The following LHX8 variants were observed in gnomAD, a reference collection of about 807,000 sequenced individuals.
LHX8 encodes the protein LIM/homeobox protein Lhx8.
In LHX8, 12 loss-of-function variants were observed where a neutral mutation model predicts 40.3. The observed-to-expected ratio is 0.30, with a 90% CI of 0.19 to 0.48. The LOEUF is 0.48. LHX8 is among the 20% of genes least tolerant of loss of function. LHX8 has a pLI of 0.99. For synonymous variants in LHX8, 179 were observed against 162.0 expected (o/e 1.10, Z -0.80); for missense variants, 344 against 433.7 (o/e 0.79, Z 1.84).
chr1:75,152,968 C>T (rs1253383991), intron 7 of LHX8, among the ~76,000 whole-genome samples: 1 of 152,162 alleles, frequency 6.6e-6, no homozygotes, highest in African/African-American at 2.4e-5. Context: ...CTATATCTTA[C>T]TGATATTTAT....
the LHX8 span, among the ~76,000 whole-genome samples, chr1:75,179,906 A>C: frequency 6.6e-6 from 1 of 152,072 alleles, no homozygotes; most frequent in African/African-American, 2.4e-5. Flanking sequence ...ATCTCTCAGC[A>C]TTTGCTTGTC....
At chr1:75,178,308 T>A in the LHX8 span, among the ~76,000 whole-genome samples, 1 of 152,244 alleles carries the variant, frequency 6.6e-6, no homozygotes, top group East Asian at 1.9e-4. Context: ...GGTCCTGGAC[T>A]TTTTTTGTTG....
At chr1:75,166,967 A>G in the LHX8 span, among the ~76,000 whole-genome samples, 1 of 152,180 alleles carries the variant, frequency 6.6e-6, no homozygotes, top group Non-Finnish European at 1.5e-5. Context: ...AAGGTGTCGA[A>G]GTGGAGCTGA....
the LHX8 span, among the ~76,000 whole-genome samples, chr1:75,181,616 G>A: frequency 3.3e-5 from 5 of 152,146 alleles, no homozygotes; most frequent in Non-Finnish European, 7.3e-5. Flanking sequence ...GGCTTCCCTT[G>A]GCTAGGAAAG....
chr1:75,170,100 A>G, the LHX8 span, among the ~76,000 whole-genome samples: 2 of 152,214 alleles, frequency 1.3e-5, no homozygotes, highest in Non-Finnish European at 2.9e-5. Context: ...ATGAATCCAC[A>G]CTGTCATGCC....
chr1:75,151,653 G>C (rs1182298976), intron 7 of LHX8, among the ~76,000 whole-genome samples: 1 of 152,202 alleles, frequency 6.6e-6, no homozygotes, highest in Non-Finnish European at 1.5e-5. Flanking sequence ...TCCTCTGCCT[G>C]GGAGAACAGT....
At chr1:75,179,879 G>T in the LHX8 span, among the ~76,000 whole-genome samples, 2 of 152,120 alleles carry the variant, frequency 1.3e-5, no homozygotes, top group Non-Finnish European at 2.9e-5. Context: ...TTGTAAGGCA[G>T]GCCTGGTGGT....
At chr1:75,153,155 G>T (rs1648654991) in intron 7 of LHX8, among the ~76,000 whole-genome samples, 1 of 151,804 alleles carries the variant, frequency 6.6e-6, no homozygotes, top group East Asian at 1.9e-4. Flanking sequence ...ACCCAGGCTG[G>T]AGTGCAGTGG....
chr1:75,159,350 G>T (rs1004986112), intron 8 of LHX8: 64 of 152,018 alleles, frequency 4.2e-4, no homozygotes, highest in African/African-American at 1.3e-3. Flanking sequence ...GCCTGGGTGT[G>T]CTTCTTGAAT....
chr1:75,183,482 A>T, the LHX8 span, among the ~76,000 whole-genome samples: 1 of 117,436 alleles, frequency 8.5e-6, no homozygotes, highest in Non-Finnish European at 1.6e-5. Flanking sequence ...TAATGTTCTT[A>T]AAAAAAAAAA....
intron 7 of LHX8, among the ~76,000 whole-genome samples, chr1:75,152,973 A>T (rs1297471454): frequency 6.6e-6 from 1 of 152,136 alleles, no homozygotes; most frequent in Non-Finnish European, 1.5e-5. Context: ...TCTTACTGAT[A>T]TTTATTAATC....
upstream of LHX8, chr1:75,130,897 C>A: frequency 2.7e-6 from 2 of 734,640 alleles, no homozygotes; most frequent in Non-Finnish European, 2.4e-6. Context: ...TGAGATTTCA[C>A]CTTCAGGGAT....
Position 75,148,688 on chromosome 1 carries a change from T to C in LHX8, c.780+6T>C. ...TGAGCAGACGTGTGATACAGGTGAT[T>C]ACTTTACTTTTTTTTTTTTTTAAGG... On this transcript the variant is annotated splice_donor_region_variant and intron_variant, in intron 7 of 8. Coordinates refer to ENST00000356261, the MANE Select transcript of LHX8 (RefSeq NM_001256114.2). The C allele has an allele frequency of 6.3e-7, 1 of 1,581,072 alleles. No individual in the cohort carries two copies. The highest frequency in any genetic ancestry group is 8.6e-7 in the Non-Finnish European group (1 of 1,163,754).
At chr1:75,156,849 T>A (rs1421946970) in intron 7 of LHX8, 44 bp from the exon 8 acceptor site, 9 of 1,570,658 alleles carry the variant, frequency 5.7e-6, no homozygotes, top group Non-Finnish European at 7.9e-6. Context: ...GCTCAGAAGC[T>A]GGTGTGTAAC....
At chr1:75,132,156 C>A (rs1021726853), upstream of LHX8, among the ~76,000 whole-genome samples, 14 of 152,162 alleles carry the variant, frequency 9.2e-5, no homozygotes, top group African/African-American at 3.4e-4. Flanking sequence ...AGGCGTGACG[C>A]GAGCTCCAGG....
At chr1:75,150,605 G>T (rs1345247052) in intron 7 of LHX8, among the ~76,000 whole-genome samples, 1 of 152,012 alleles carries the variant, frequency 6.6e-6, no homozygotes, top group African/African-American at 2.4e-5. Context: ...GAAGAAGTGG[G>T]GTGAATTCAA....
chr1:75,146,037 A>G (rs115991321), intron 6 of LHX8, among the ~76,000 whole-genome samples: 8 of 152,256 alleles, frequency 5.3e-5, no homozygotes, highest in Non-Finnish European at 8.8e-5. Context: ...TCTTTGTCCT[A>G]AAGTGGTTCT....
At chr1:75,164,144 TTTA>T (rs752943875), downstream of LHX8, among the ~76,000 whole-genome samples, 10 of 152,370 alleles carry the variant, frequency 6.6e-5, no homozygotes, top group East Asian at 1.9e-4. Context: ...TATCTAACTT[TTTA>T]TTATTATGAA....
chr1:75,156,621 C>T (rs1330755754), intron 7 of LHX8, among the ~76,000 whole-genome samples: 1 of 152,164 alleles, frequency 6.6e-6, no homozygotes, highest in Non-Finnish European at 1.5e-5. Context: ...ACCAAAATCC[C>T]TTAAGCAATT....
Sources: gnomAD v4.1 joint callset for allele counts (sites outside exome capture counted in the v4.1 genomes callset) on GRCh38, gnomAD v4.1.1 for gene constraint, MANE v1.5 for transcripts, NCBI Gene and HGNC (gene_info 2026-07-23, HGNC 2026-07-21) for gene names.